Variants in ZNF233 observed in about 807,000 individuals in gnomAD.
ZNF233 encodes the protein zinc finger protein 233.
In ZNF233, 7 loss-of-function variants were observed where a neutral mutation model predicts 11.6. The observed-to-expected ratio is 0.60, with a 90% CI of 0.34 to 1.13. The LOEUF (loss-of-function observed/expected upper bound fraction) is 1.13. Ranked by LOEUF, ZNF233 falls within the 50% of genes most tolerant of loss-of-function variation. The probability of loss-of-function intolerance (pLI) is 0.03; values close to 1 mark genes in which losing one functional copy is unlikely to be tolerated. For synonymous variants in ZNF233, 226 were observed against 268.5 expected (o/e 0.84, Z 1.55); for missense variants, 711 against 785.5 (o/e 0.91, Z 1.13).
At position 44,274,159 on chromosome 19, in the gene ZNF233, G is replaced by A. The variant is rs770221195; in HGVS notation, c.1499G>A (p.Arg500Lys). ...SRNSHLQAHQRVHTGEKPYKC... is the reference protein window; with the variant it reads ...SRNSHLQAHQKVHTGEKPYKC... ...AATTCCCACCTTCAGGCCCATCAGAGAGTCCATACAGGAGAGAAACCCTAC... is the reference window on the plus strand; with the variant it reads ...AATTCCCACCTTCAGGCCCATCAGAAAGTCCATACAGGAGAGAAACCCTAC... Residue 500 changes from arginine (R) to lysine (K), a missense_variant, in exon 5 of 5, where the codon AGA becomes AAA. Arg to Lys is a conservative substitution (Grantham distance 26, BLOSUM62 2). Transcript: ENST00000683810. 8 of 1,614,010 alleles carry A rather than the reference G, an allele frequency of 5.0e-6. No homozygotes were observed. The highest frequency in any genetic ancestry group is 2.7e-5 in the African/African-American group (2 of 74,958).
chr19:44,270,346 TAAAAAAAAAAA>T (rs398034740), intron 4 of ZNF233, among the ~76,000 whole-genome samples: 2 of 72,730 alleles, frequency 2.7e-5, no homozygotes, highest in South Asian at 5.7e-4. Context: ...CCATCTATAC[TAAAAAAAAAAA>T]AAAAAAAAAA....
At chr19:44,264,839 A>AT (rs914794703) in intron 2 of ZNF233, among the ~76,000 whole-genome samples, 1 of 151,970 alleles carries the variant, frequency 6.6e-6, no homozygotes, top group African/African-American at 2.4e-5. Context: ...AAGGGTTTTC[A>AT]TTTTTTGTCT....
At chr19:44,265,341 T>C (rs1975043129) in intron 2 of ZNF233, among the ~76,000 whole-genome samples, 2 of 151,130 alleles carry the variant, frequency 1.3e-5, no homozygotes, top group African/African-American at 4.9e-5. Context: ...TTTTTATGGC[T>C]GAGTAGTATT....
At chr19:44,266,805 G>T in intron 3 of ZNF233, 61 bp from the exon 4 acceptor site, 1 of 1,265,358 alleles carries the variant, frequency 7.9e-7, no homozygotes, top group South Asian at 1.4e-5. Context: ...TGGTGGTGTT[G>T]GAATTAAAAT....
rs971970285 is a variant in ZNF233 at position 44,262,109 on chromosome 19, A to G, written c.-48+2171A>G. Among the ~76,000 whole-genome samples, 8 of 152,338 alleles carry G rather than the reference A, an allele frequency of 5.3e-5. No homozygotes were observed. In the East Asian group the frequency reaches 1.2e-3, roughly 22 times the overall value. On this transcript the variant is annotated intron_variant, in intron 1 of 4. Coordinates refer to ENST00000683810, the MANE Select transcript of ZNF233 (RefSeq NM_001207005.2). ...TAGCTTAAAGGAATCTTGGAGATCA[A>G]TTAGTACAATCCTTGTCTGACTGTG...
At chr19:44,262,029 CAT>C (rs1974952735) in intron 1 of ZNF233, among the ~76,000 whole-genome samples, 1 of 152,152 alleles carries the variant, frequency 6.6e-6, no homozygotes, top group Admixed American at 6.5e-5. Context: ...AAGAAATTGA[CAT>C]ATAAAGTTCA....
At chr19:44,265,402 CACA>C (rs1568633262) in intron 2 of ZNF233, among the ~76,000 whole-genome samples, 1 of 149,596 alleles carries the variant, frequency 6.7e-6, no homozygotes, top group Non-Finnish European at 1.5e-5. Context: ...CACACACACA[CACA>C]CACACCACGG....
intron 2 of ZNF233, among the ~76,000 whole-genome samples, chr19:44,265,190 T>TAA (rs774278207): frequency 6.6e-6 from 1 of 152,126 alleles, no homozygotes; most frequent in East Asian, 1.9e-4. Context: ...GTGTCATTCT[T>TAA]AGACCTTTGG....
chr19:44,260,187 G>C (rs1219608058), intron 1 of ZNF233: 1 of 234,176 alleles, frequency 4.3e-6, no homozygotes, highest in East Asian at 1.6e-4. Context: ...ACGCTCTGCT[G>C]TCTTCTGGCA....
rs569951523 is a variant in ZNF233, at chr19:44,273,706, G to A, written c.1046G>A (p.Arg349Gln). 2.7e-5 allele frequency: 44 copies of A among 1,614,072 alleles called. 1 individual carries two copies. The South Asian group carries it at 2.7e-4, about 10-fold the overall frequency. Residue 349 changes from arginine (R) to glutamine (Q), a missense_variant, in exon 5 of 5, where the codon CGG becomes CAG. Coordinates refer to ENST00000683810, the MANE Select transcript of ZNF233 (RefSeq NM_001207005.2). ...CTCTACAGATGTCAGGTATATGCCC[G>A]GAGCTCCAACCAGAACTCCTGTCTT... ...ENLYRCQVYA[R>Q]SSNQNSCLPS...
At position 44,264,308 on chromosome 19, in the gene ZNF233, TC is replaced by T. The variant is rs1366926371; in HGVS notation, c.-47-3del. The T allele has an allele frequency of 3.1e-6, 5 of 1,595,714 alleles. No homozygotes were observed. The South Asian group carries it at 5.5e-5, about 18-fold the overall frequency. On this transcript the variant is annotated splice_region_variant and splice_polypyrimidine_tract_variant and intron_variant, in intron 1 of 4. Transcript: ENST00000683810. ...TGTTTCTCATGGCTTCTTTCTCTTT[TC>T]CCAGTTCTGCCTTCCCAGGACCCTG...
intron 3 of ZNF233, 63 bp from the exon 4 acceptor site, chr19:44,266,803 T>G (rs182673963): frequency 5.7e-5 from 70 of 1,238,700 alleles, no homozygotes; most frequent in Non-Finnish European, 7.7e-5. Flanking sequence ...AATGGTGGTG[T>G]TGGAATTAAA....
At position 44,269,459 on chromosome 19, in the gene ZNF233, C is replaced by A. The variant is rs957258429; in HGVS notation, c.238+2498C>A. On this transcript the variant is annotated intron_variant, in intron 4 of 4. Coordinates refer to ENST00000683810, the MANE Select transcript of ZNF233 (RefSeq NM_001207005.2). ...TATAGGCGCATGCCACCACACCCAG[C>A]TAATTTTTGTATTTTTAGTAGAGAT... 2.0e-5 allele frequency among the ~76,000 whole-genome samples: 3 copies of A among 152,028 alleles called. 1 individual carries two copies. The highest frequency in any genetic ancestry group is 4.4e-5 in the Non-Finnish European group (3 of 68,018).
intron 1 of ZNF233, among the ~76,000 whole-genome samples, chr19:44,261,194 C>T (rs1974927276): frequency 6.6e-6 from 1 of 152,134 alleles, no homozygotes; most frequent in African/African-American, 2.4e-5. Flanking sequence ...TAATCCCACA[C>T]TTTGGAAGGC....
chr19:44,264,478 G>A (rs1268919558), intron 2 of ZNF233, 103 bp downstream of exon 2: 1 of 1,127,326 alleles, frequency 8.9e-7, no homozygotes, highest in African/African-American at 1.6e-5. Context: ...GAGGAAAACA[G>A]GTATTTGGAA....
chr19:44,274,172 A>C lies in ZNF233; in HGVS notation c.1512A>C (p.Gly504=). 1 of 1,614,120 alleles carries C rather than the reference A, an allele frequency of 6.2e-7. No homozygotes were observed. Among genetic ancestry groups the C allele is most frequent in the Non-Finnish European group, 8.5e-7 (1 of 1,180,014 alleles). Residue 504 remains glycine (G), a synonymous_variant, in exon 5 of 5, where the codon GGA becomes GGC. Transcript: ENST00000683810. The stretch of plus-strand genomic sequence containing the variant: ...AGGCCCATCAGAGAGTCCATACAGG[A>C]GAGAAACCCTACAAATGTGACACAT... The part of the protein sequence containing the change: ...HLQAHQRVHT[G]EKPYKCDTCG...
At chr19:44,267,365 T>TTTTC (rs1379687860) in intron 4 of ZNF233, 1 of 398,880 alleles carries the variant, frequency 2.5e-6, no homozygotes, top group Non-Finnish European at 4.4e-6. Context: ...TTTTTTTTTT[T>TTTTC]TTTCTTTAAG....
At chr19:44,260,423 G>A (rs988426478) in intron 1 of ZNF233, among the ~76,000 whole-genome samples, 1 of 152,076 alleles carries the variant, frequency 6.6e-6, no homozygotes, top group Non-Finnish European at 1.5e-5. Context: ...CTGTGAGCCC[G>A]CAGTGGGTTC....
intron 4 of ZNF233, among the ~76,000 whole-genome samples, chr19:44,270,941 G>A (rs901368824): frequency 6.6e-6 from 1 of 152,166 alleles, no homozygotes; most frequent in Non-Finnish European, 1.5e-5. Context: ...ACTTGATACA[G>A]TGTGGGAGGG....
Sources: allele counts gnomAD v4.1 joint callset (sites outside exome capture counted in the v4.1 genomes callset), GRCh38; gene constraint gnomAD v4.1.1; transcripts MANE v1.5; gene names NCBI Gene and HGNC (gene_info 2026-07-23, HGNC 2026-07-21).